ARFGEF1: variants seen among roughly 807,000 people sequenced by gnomAD.
ARFGEF1 encodes brefeldin A-inhibited guanine nucleotide-exchange protein 1.
A neutral mutation model predicts 231.0 loss-of-function variants in ARFGEF1; 42 were observed. The observed-to-expected ratio is 0.18, with a 90% CI of 0.14 to 0.24. ARFGEF1 has a LOEUF of 0.24. Among genes scored for constraint, ARFGEF1 ranks in the 10% least tolerant of loss-of-function variants. The pLI is 1.00. For synonymous variants in ARFGEF1, 710 were observed against 732.3 expected, an observed-to-expected ratio of 0.97 and a Z score of 0.49; for missense variants, 1,345 against 2,192.0, an observed-to-expected ratio of 0.61 and a Z score of 7.72.
downstream of ARFGEF1, chr8:67,197,623 C>G (rs921389551): frequency 3.0e-6 from 3 of 985,422 alleles, no homozygotes; most frequent in Non-Finnish European, 3.6e-6. Flanking sequence ...CTTAATAGAC[C>G]AGAATCAATG....
chr8:67,202,079 T>C (rs1025300395), intron 36 of ARFGEF1, among the ~76,000 whole-genome samples: 1 of 152,200 alleles, frequency 6.6e-6, no homozygotes, highest in African/African-American at 2.4e-5. Context: ...GACTACTCTT[T>C]CCAGAAGTTA....
intron 14 of ARFGEF1, among the ~76,000 whole-genome samples, chr8:67,264,431 G>C (rs949000303): frequency 2.0e-5 from 3 of 152,114 alleles, no homozygotes; most frequent in Admixed American, 2.0e-4. Flanking sequence ...TTAGTAGCAT[G>C]CTGGGGTTAC....
At chr8:67,207,803 T>C (rs1838575356) in intron 34 of ARFGEF1, among the ~76,000 whole-genome samples, 1 of 152,198 alleles carries the variant, frequency 6.6e-6, no homozygotes, top group African/African-American at 2.4e-5. Flanking sequence ...CGCTTGTTCT[T>C]CCTCCAGCTC....
intron 7 of ARFGEF1, among the ~76,000 whole-genome samples, chr8:67,286,170 G>A (rs1002605435): frequency 1.3e-5 from 2 of 152,282 alleles, no homozygotes; most frequent in African/African-American, 4.8e-5. Context: ...GAAATGTCAT[G>A]ATGTATACAA....
intron 16 of ARFGEF1, 124 bp from the exon 17 acceptor site, chr8:67,257,940 G>A: frequency 8.4e-7 from 1 of 1,196,706 alleles, no homozygotes; most frequent in South Asian, 1.5e-5. Context: ...ATTTTTTATG[G>A]ATTTGTTTTA....
intron 5 of ARFGEF1, among the ~76,000 whole-genome samples, chr8:67,189,144 A>G (rs1198918294): frequency 2.6e-5 from 4 of 152,228 alleles, no homozygotes; most frequent in African/African-American, 9.6e-5. Flanking sequence ...ATGGAGCAAT[A>G]GGAACTCTCA....
downstream of ARFGEF1, chr8:67,175,268 T>C: frequency 6.5e-7 from 1 of 1,541,340 alleles, no homozygotes. Context: ...ACATTTAACT[T>C]AGTTATATAA....
At chr8:67,304,768 G>A (rs1806659281) in intron 1 of ARFGEF1, among the ~76,000 whole-genome samples, 1 of 152,248 alleles carries the variant, frequency 6.6e-6, no homozygotes, top group Non-Finnish European at 1.5e-5. Context: ...GCAGTGAGCT[G>A]AGATTGCGCC....
At position 67,198,697 on chromosome 8, in the gene ARFGEF1, G is replaced by C; in HGVS notation, c.*237C>G. On this transcript the variant is annotated 3_prime_UTR_variant, in exon 39 of 39. Coordinates refer to ENST00000262215, the MANE Select transcript of ARFGEF1 (RefSeq NM_006421.5). ...AAGACAGGGAAGGACCCGTGAGCAT[G>C]AGCTGACACTGTTTAAACAGGCTTT... 1.6e-6 allele frequency: 2 copies of C among 1,242,418 alleles called. No homozygotes were observed. Among genetic ancestry groups the C allele is most frequent in the Non-Finnish European group, 2.0e-6 (2 of 990,906 alleles). The allele number at this position is 1,242,418 out of a possible 1,614,324, so 77.0% of individuals were successfully genotyped here.
At chr8:67,211,364 AAG>A in intron 34 of ARFGEF1, 117 bp downstream of exon 34, 1 of 662,236 alleles carries the variant, frequency 1.5e-6, no homozygotes, top group Non-Finnish European at 2.2e-6. Context: ...AAAAAAAAAA[AAG>A]AAGTGATGAC....
chr8:67,285,942 A>G (rs563074587), intron 7 of ARFGEF1, among the ~76,000 whole-genome samples: 1 of 152,226 alleles, frequency 6.6e-6, no homozygotes, highest in Non-Finnish European at 1.5e-5. Flanking sequence ...AAAGAGACAG[A>G]TAAGCAAATA....
At chr8:67,267,511 A>G in intron 10 of ARFGEF1, 69 bp from the exon 11 acceptor site, 1 of 1,034,994 alleles carries the variant, frequency 9.7e-7, no homozygotes, top group Non-Finnish European at 1.5e-6. Context: ...CTTTTTAAAC[A>G]TCCCAGAGCT....
At chr8:67,216,298 A>G (rs916456415) in intron 33 of ARFGEF1, among the ~76,000 whole-genome samples, 7 of 152,170 alleles carry the variant, frequency 4.6e-5, no homozygotes, top group African/African-American at 1.7e-4. Flanking sequence ...TTAAAAAAGG[A>G]CTGGAGGGAA....
intron 15 of ARFGEF1, among the ~76,000 whole-genome samples, 153 bp downstream of exon 15, chr8:67,259,662 C>G (rs1840577711): frequency 6.6e-6 from 1 of 152,138 alleles, no homozygotes; most frequent in African/African-American, 2.4e-5. Context: ...CGCCTGTAAT[C>G]CCAGCACTTT....
chr8:67,337,001 G>A (rs576411385), intron 1 of ARFGEF1, among the ~76,000 whole-genome samples: 14 of 151,958 alleles, frequency 9.2e-5, no homozygotes, highest in Non-Finnish European at 1.2e-4. Flanking sequence ...GCGCGGTAGC[G>A]CTACACGAGA....
chr8:67,176,570 TCTTCAAC>T (rs1182836498), intron 5 of ARFGEF1, among the ~76,000 whole-genome samples: 1 of 152,182 alleles, frequency 6.6e-6, no homozygotes, highest in Non-Finnish European at 1.5e-5. Flanking sequence ...GCAAGTGCAT[TCTTCAAC>T]CTTTGTACCC....
downstream of ARFGEF1, chr8:67,195,277 T>C: frequency 1.3e-6 from 1 of 775,962 alleles, no homozygotes; most frequent in Non-Finnish European, 2.3e-6. Context: ...TATGAGACTG[T>C]GGGGAAATGC....
chr8:67,220,744 C>A (rs929850264), intron 29 of ARFGEF1, among the ~76,000 whole-genome samples: 1 of 152,118 alleles, frequency 6.6e-6, no homozygotes, highest in African/African-American at 2.4e-5. Flanking sequence ...AGCTCCGTAT[C>A]TATTCCCTTC....
intron 29 of ARFGEF1, among the ~76,000 whole-genome samples, chr8:67,222,635 G>C (rs928861375): frequency 2.0e-5 from 3 of 152,058 alleles, no homozygotes; most frequent in Non-Finnish European, 4.4e-5. Context: ...ATTTTTAGTA[G>C]AGAAGGGGTT....
Sources: gnomAD v4.1 joint callset for allele counts (sites outside exome capture counted in the v4.1 genomes callset) on GRCh38, gnomAD v4.1.1 for gene constraint, MANE v1.5 for transcripts, NCBI Gene and HGNC (gene_info 2026-07-23, HGNC 2026-07-21) for gene names.